The following GPAM variants were observed in gnomAD, a reference collection of about 807,000 sequenced individuals.
GPAM encodes the protein glycerol-3-phosphate acyltransferase 1, mitochondrial.
GPAM carries 56 observed loss-of-function variants against 105.0 expected under a neutral mutation model. The ratio of observed to expected loss-of-function variants is 0.53; its 90% CI spans 0.43 to 0.67. GPAM has a LOEUF of 0.67. Ranked by LOEUF, GPAM falls within the 30% of genes least tolerant of loss-of-function variation. The pLI is 0.00. For missense variants in GPAM, 855 were observed against 989.8 expected, an observed-to-expected ratio of 0.86 and a Z score of 1.83; for synonymous variants, 368 against 354.4, an observed-to-expected ratio of 1.04 and a Z score of -0.43.
intron 14 of GPAM, among the ~76,000 whole-genome samples, chr10:112,163,438 A>ATTTT (rs1847158036): frequency 9.3e-6 from 1 of 107,294 alleles, no homozygotes; most frequent in African/African-American, 3.3e-5. Context: ...CAGAGGCAAC[A>ATTTT]AATCATTTTA....
At position 112,158,270 on chromosome 10, in the gene GPAM, T is replaced by G. The variant is rs1475489925; in HGVS notation, c.1980+46A>C. ...ATAAGTTGTAGAAAAGGTAAGGGAA[T>G]GAAGAGTAAGTATAAAGACAAATAA... On this transcript the variant is annotated intron_variant, in intron 18 of 21. Coordinates refer to ENST00000348367, the MANE Select transcript of GPAM (RefSeq NM_001244949.2). The G allele has an allele frequency of 2.7e-6, 3 of 1,097,154 alleles. No individual in the cohort carries two copies. In the Admixed American group the frequency reaches 5.1e-5, roughly 18 times the overall value. The allele number at this position is 1,097,154 out of a possible 1,614,324, so 68.0% of individuals were successfully genotyped here. A position where few individuals can be genotyped will look rare whatever the true frequency, so the allele number is the denominator to read the frequency against.
At position 112,152,666 on chromosome 10, in the gene GPAM, T is replaced by C. The variant is rs1846940577; in HGVS notation, c.*884A>G. 2.0e-6 allele frequency: 2 copies of C among 985,284 alleles called. No homozygotes were observed. Among genetic ancestry groups the C allele is most frequent in the Non-Finnish European group, 2.4e-6 (2 of 829,896 alleles). The allele number at this position is 985,284 out of a possible 1,614,324, so 61.0% of individuals were successfully genotyped here. A position where few individuals can be genotyped will look rare whatever the true frequency, so the allele number is the denominator to read the frequency against. Reference sequence around the variant, plus strand: ...GGAAAACTGCTATTTGGTTGGAGGATTTCCAAGAAACAGCTGTACCTGTGA... The same window carrying C: ...GGAAAACTGCTATTTGGTTGGAGGACTTCCAAGAAACAGCTGTACCTGTGA... On this transcript the variant is annotated 3_prime_UTR_variant, in exon 22 of 22. Coordinates refer to ENST00000348367, the MANE Select transcript of GPAM (RefSeq NM_001244949.2).
chr10:112,212,414 A>C (rs1348248009), intron 1 of GPAM, among the ~76,000 whole-genome samples: 1 of 151,984 alleles, frequency 6.6e-6, no homozygotes, highest in East Asian at 1.9e-4. Context: ...AGGCACCCAC[A>C]ACCTTGCCTG....
In GPAM at chr10:112,166,618, C is replaced by T. The variant is rs2803614; in HGVS notation, c.1108-103G>A. The T allele has an allele frequency of 2.3e-3, 1,774 of 770,318 alleles. 23 individuals are homozygous for T. The African/African-American group carries it at 0.027, about 12-fold the overall frequency. The allele number at this position is 770,318 out of a possible 1,614,324, so 47.7% of individuals were successfully genotyped here. ...ACTTGTTTTATGGAAACTGTAAGTT[C>T]ATCTTGAAGAAGAACAATGAATGAA... On this transcript the variant is annotated intron_variant, in intron 11 of 21. Transcript: ENST00000348367.
At chr10:112,159,843 G>A (rs772640137) in intron 17 of GPAM, 68 bp downstream of exon 17, 104 of 1,472,064 alleles carry the variant, frequency 7.1e-5, no homozygotes, top group Non-Finnish European at 9.6e-5. Flanking sequence ...AGAAAAACAC[G>A]GGGGGTTACG....
At chr10:112,204,875 T>C (rs1200674777) in intron 1 of GPAM, among the ~76,000 whole-genome samples, 3 of 118,558 alleles carry the variant, frequency 2.5e-5, no homozygotes, top group Non-Finnish European at 5.1e-5. Context: ...GGAAGTCAAA[T>C]TGTCCCTGTT....
upstream of GPAM, among the ~76,000 whole-genome samples, chr10:112,184,073 G>A (rs931722576): frequency 2.0e-5 from 3 of 152,148 alleles, no homozygotes; most frequent in Non-Finnish European, 4.4e-5. Flanking sequence ...GGGCTATCAG[G>A]TTATGTGTGT....
chr10:112,181,155 T>C (rs574851341), intron 3 of GPAM, among the ~76,000 whole-genome samples: 2 of 151,782 alleles, frequency 1.3e-5, no homozygotes, highest in South Asian at 4.2e-4. Flanking sequence ...CACATCTCTG[T>C]TATACAGATA....
chr10:112,188,951 C>T (rs930356749), intron 1 of GPAM, among the ~76,000 whole-genome samples: 1 of 152,158 alleles, frequency 6.6e-6, no homozygotes, highest in Non-Finnish European at 1.5e-5. Flanking sequence ...TTCATGCTGC[C>T]TTCCTAATAG....
At chr10:112,195,923 A>T (rs749192866) in intron 1 of GPAM, among the ~76,000 whole-genome samples, 4 of 152,214 alleles carry the variant, frequency 2.6e-5, no homozygotes, top group Non-Finnish European at 4.4e-5. Context: ...GCAGGCATGC[A>T]TCTAAGGTAG....
rs1273224437 is a variant in GPAM at position 112,159,956 on chromosome 10, C to T, written c.1857G>A (p.Ala619=). 6 of 1,613,976 alleles carry T rather than the reference C, an allele frequency of 3.7e-6. No individual in the cohort carries two copies. The highest frequency in any genetic ancestry group is 2.2e-5 in the East Asian group (1 of 44,872). ...TGGAGAGAAGGTAGCACAGGCTGGC[C>T]GCCTTCCGCACCAGCTGCTCCTGGC... The part of the protein sequence containing the change: ...LISQEQLVRK[A]ASLCYLLSNE... The change falls in exon 17 of 22, where the codon GCG becomes GCA. Residue 619 remains alanine (A), a synonymous_variant. Coordinates refer to ENST00000348367, the MANE Select transcript of GPAM (RefSeq NM_001244949.2).
chr10:112,150,726 T>C lies in GPAM; in HGVS notation c.*2824A>G. On this transcript the variant is annotated 3_prime_UTR_variant, in exon 22 of 22. Coordinates refer to ENST00000348367, the MANE Select transcript of GPAM (RefSeq NM_001244949.2). Reference sequence around the variant, plus strand: ...AAGCCCTTACTGCGCTAAAGTGCATTGTAAGTTTCCAGGTGCAAACTTGGT... The same window carrying C: ...AAGCCCTTACTGCGCTAAAGTGCATCGTAAGTTTCCAGGTGCAAACTTGGT... 1 of 981,660 alleles carries C rather than the reference T, an allele frequency of 1.0e-6. No homozygotes were observed. Among genetic ancestry groups the C allele is most frequent in the Non-Finnish European group, 1.2e-6 (1 of 826,514 alleles). 60.8% of individuals were successfully genotyped at this position (981,660 alleles called of 1,614,324 possible). A position where few individuals can be genotyped will look rare whatever the true frequency, so the allele number is the denominator to read the frequency against.
In GPAM at chr10:112,164,065, A is replaced by G. The variant is rs575540727; in HGVS notation, c.1308-249T>C. Among the ~76,000 whole-genome samples the G allele has an allele frequency of 2.6e-5, 4 of 152,368 alleles. No individual in the cohort carries two copies. In the East Asian group the frequency reaches 7.7e-4, roughly 29 times the overall value. On this transcript the variant is annotated intron_variant, in intron 13 of 21. Coordinates refer to ENST00000348367, the MANE Select transcript of GPAM (RefSeq NM_001244949.2). ...TTCCAAAACCACTGGCAGAAAGAAT[A>G]CATAATTCAAGATGCCTTATTTTAA...
chr10:112,188,368 T>C (rs1847619163), upstream of GPAM, among the ~76,000 whole-genome samples: 1 of 152,216 alleles, frequency 6.6e-6, no homozygotes, highest in Non-Finnish European at 1.5e-5. Context: ...AAATTCTGTA[T>C]ACACAGTAAT....
In GPAM at chr10:112,199,089, A is replaced by ATATGTGTGTGTG. The variant is rs1554848747; in HGVS notation, n.210+16078_210+16079insCACACACACATA. 9.6e-5 allele frequency among the ~76,000 whole-genome samples: 13 copies of ATATGTGTGTGTG among 134,974 alleles called. No individual in the cohort carries two copies. In the South Asian group the frequency reaches 3.5e-3, roughly 36 times the overall value. The allele number at this position is 134,974 out of a possible 152,430, so 88.5% of individuals were successfully genotyped here. A position where few individuals can be genotyped will look rare whatever the true frequency, so the allele number is the denominator to read the frequency against. On this transcript the variant is annotated intron_variant and non_coding_transcript_variant, in intron 1 of 3. Transcript: ENST00000480130. ...AGACACACGCCGCCACGCCTGGCTAATGTGTGTGTGTGTGTGTGTGTGTGT... is the reference window on the plus strand; with the variant it reads ...AGACACACGCCGCCACGCCTGGCTAATATGTGTGTGTGTGTGTGTGTGTGTGTGTGTGTGTGT...
chr10:112,161,844 C>G, intron 14 of GPAM, 107 bp from the exon 15 acceptor site: 5 of 796,962 alleles, frequency 6.3e-6, no homozygotes, highest in Non-Finnish European at 1.1e-5. Context: ...CTGTGAAAGT[C>G]TTCTATCACA....
chr10:112,198,229 C>T (rs1847748718), intron 1 of GPAM, among the ~76,000 whole-genome samples: 1 of 152,180 alleles, frequency 6.6e-6, no homozygotes. Context: ...CCCTCAAAGT[C>T]TGAAGGTTCC....
chr10:112,160,163 G>A (rs539325590), intron 16 of GPAM, 110 bp from the exon 17 acceptor site: 23 of 1,109,374 alleles, frequency 2.1e-5, no homozygotes, highest in Middle Eastern at 2.0e-4. Context: ...ATAATGGCCT[G>A]TATTTGGAGA....
rs1330644337 is a variant in GPAM at position 112,181,791 on chromosome 10, A to C, written c.-7T>G. 2 of 1,495,822 alleles carry C rather than the reference A, an allele frequency of 1.3e-6. No homozygotes were observed. The highest frequency in any genetic ancestry group is 3.3e-5 in the Admixed American group (2 of 59,886). 92.7% of individuals were successfully genotyped at this position (1,495,822 alleles called of 1,614,324 possible). The stretch of plus-strand genomic sequence containing the variant: ...TCAGTGCAGATTCATCCATGTCACA[A>C]AGTGTAATTCCCAAATCATGTGCTA... On this transcript the variant is annotated 5_prime_UTR_variant, in exon 3 of 22. Transcript: ENST00000348367.
Sources: allele counts gnomAD v4.1 joint callset (sites outside exome capture counted in the v4.1 genomes callset), GRCh38; gene constraint gnomAD v4.1.1; transcripts MANE v1.5; gene names NCBI Gene and HGNC (gene_info 2026-07-23, HGNC 2026-07-21).